The following RNLS variants were observed in gnomAD, a reference collection of about 807,000 sequenced individuals.
The protein encoded by RNLS is renalase.
Under a neutral mutation model 39.8 loss-of-function variants are expected in RNLS, and 39 were observed. The observed-to-expected ratio is 0.98, with a 90% CI of 0.76 to 1.28. The LOEUF (loss-of-function observed/expected upper bound fraction) is 1.28. RNLS is among the 50% of genes most tolerant of loss of function. The pLI is 0.00. For missense variants in RNLS, 410 were observed against 413.3 expected, an observed-to-expected ratio of 0.99 and a Z score of 0.07; for synonymous variants, 147 against 150.7, an observed-to-expected ratio of 0.98 and a Z score of 0.18.
intron 4 of RNLS, among the ~76,000 whole-genome samples, chr10:88,492,521 C>T (rs1436420013): frequency 2.0e-5 from 3 of 150,264 alleles, no homozygotes; most frequent in East Asian, 2.0e-4. Flanking sequence ...CAGGCTCAAG[C>T]GATTCTCCTG....
intron 6 of RNLS, among the ~76,000 whole-genome samples, chr10:88,292,878 C>CT (rs1843768797): frequency 6.6e-6 from 1 of 151,080 alleles, no homozygotes; most frequent in African/African-American, 2.4e-5. Context: ...CCTGTCTCTA[C>CT]TTAGAAAAAA....
intron 5 of RNLS, among the ~76,000 whole-genome samples, chr10:88,346,618 T>C (rs1848324071): frequency 6.6e-6 from 1 of 152,170 alleles, no homozygotes; most frequent in Non-Finnish European, 1.5e-5. Context: ...GCTTGCTAAG[T>C]GGGTGACCAG....
the RNLS span, among the ~76,000 whole-genome samples, chr10:88,215,714 T>TTC: frequency 3.2e-4 from 47 of 147,288 alleles, no homozygotes; most frequent in African/African-American, 1.0e-3. Flanking sequence ...TTTTTTTTTT[T>TTC]CCGAGATGGA....
chr10:88,427,836 T>C (rs1564791591), intron 4 of RNLS, among the ~76,000 whole-genome samples: 2 of 152,012 alleles, frequency 1.3e-5, no homozygotes, highest in African/African-American at 4.8e-5. Context: ...CCATGGCTTA[T>C]GATCTCACTT....
intron 4 of RNLS, among the ~76,000 whole-genome samples, chr10:88,505,437 ATG>A (rs1845735477): frequency 6.6e-6 from 1 of 150,390 alleles, no homozygotes; most frequent in African/African-American, 2.4e-5. Flanking sequence ...AACTGTGTGC[ATG>A]TGTGTTGGAG....
At chr10:88,477,378 A>T (rs115631599) in intron 4 of RNLS, among the ~76,000 whole-genome samples, 13 of 152,272 alleles carry the variant, frequency 8.5e-5, no homozygotes, top group African/African-American at 2.9e-4. Flanking sequence ...GTCAGTTATG[A>T]TGGTGATGAC....
chr10:88,362,375 T>A (rs1158513597), intron 5 of RNLS, among the ~76,000 whole-genome samples, 177 bp downstream of exon 5: 1 of 152,176 alleles, frequency 6.6e-6, no homozygotes, highest in Non-Finnish European at 1.5e-5. Context: ...CTGAAAAACT[T>A]TGCTGGTTTC....
chr10:88,363,792 T>C (rs923182431), intron 4 of RNLS, among the ~76,000 whole-genome samples: 5 of 152,188 alleles, frequency 3.3e-5, no homozygotes, highest in Non-Finnish European at 7.3e-5. Flanking sequence ...TTACCAGATA[T>C]GTGACACTGG....
intron 4 of RNLS, among the ~76,000 whole-genome samples, chr10:88,427,058 C>T (rs143139175): frequency 5.9e-4 from 90 of 152,020 alleles, no homozygotes; most frequent in African/African-American, 2.1e-3. Flanking sequence ...TCTGGTACTC[C>T]CCACAGGTAC....
intron 4 of RNLS, among the ~76,000 whole-genome samples, chr10:88,387,620 T>C (rs1409749475): frequency 6.6e-6 from 1 of 152,040 alleles, no homozygotes; most frequent in Non-Finnish European, 1.5e-5. Context: ...TGCTTTTACA[T>C]GTAATCATTG....
intron 5 of RNLS, among the ~76,000 whole-genome samples, chr10:88,328,448 A>G (rs1846809585): frequency 6.6e-6 from 1 of 152,152 alleles, no homozygotes; most frequent in African/African-American, 2.4e-5. Flanking sequence ...TTACAACTAG[A>G]TGTGCTTTTT....
At chr10:88,357,031 G>A (rs1457123260) in intron 5 of RNLS, among the ~76,000 whole-genome samples, 1 of 152,196 alleles carries the variant, frequency 6.6e-6, no homozygotes, top group East Asian at 1.9e-4. Context: ...AACAGAGGCT[G>A]CATTCACCTA....
chr10:88,380,957 T>TATG (rs1387616261), intron 4 of RNLS, among the ~76,000 whole-genome samples: 1 of 152,202 alleles, frequency 6.6e-6, no homozygotes, highest in African/African-American at 2.4e-5. Context: ...TAAATAAATA[T>TATG]ATGTCTATTT....
At chr10:88,391,544 G>A (rs1852202925) in intron 4 of RNLS, among the ~76,000 whole-genome samples, 2 of 152,132 alleles carry the variant, frequency 1.3e-5, no homozygotes, top group Non-Finnish European at 2.9e-5. Context: ...GCGACAGAGC[G>A]AGACTCCGTC....
At position 88,333,151 on chromosome 10, in the gene RNLS, C is replaced by T. The variant is rs531341208; in HGVS notation, c.701-18510G>A. ...CAAAACAACAACAAAATTCTTTGGA[C>T]GAATATATTTTTGAAATGCCTGGCT... On this transcript the variant is annotated intron_variant, in intron 5 of 6. Transcript: ENST00000331772. 5.3e-5 allele frequency among the ~76,000 whole-genome samples: 8 copies of T among 152,050 alleles called. No homozygotes were observed. In the South Asian group the frequency reaches 1.2e-3, roughly 24 times the overall value.
chr10:88,317,349 A>C (rs1845837639), intron 5 of RNLS, among the ~76,000 whole-genome samples: 1 of 152,180 alleles, frequency 6.6e-6, no homozygotes, highest in South Asian at 2.1e-4. Flanking sequence ...ACTCACATAA[A>C]AGCCTTCCTT....
chr10:88,331,145 C>A (rs1243496823), intron 5 of RNLS, among the ~76,000 whole-genome samples: 3 of 152,220 alleles, frequency 2.0e-5, no homozygotes, highest in Non-Finnish European at 4.4e-5. Flanking sequence ...CTTAGGTATA[C>A]AGCATCTCTG....
intron 4 of RNLS, among the ~76,000 whole-genome samples, chr10:88,511,784 AT>A (rs1201107004): frequency 6.6e-6 from 1 of 152,206 alleles, no homozygotes; most frequent in Non-Finnish European, 1.5e-5. Flanking sequence ...ATGGCTGAGG[AT>A]TAATAGTTGG....
intron 5 of RNLS, among the ~76,000 whole-genome samples, chr10:88,346,658 C>T (rs1410622495): frequency 6.6e-6 from 1 of 152,128 alleles, no homozygotes; most frequent in Non-Finnish European, 1.5e-5. Context: ...AATGTTATTT[C>T]AGGAGCAGGG....
Sources: allele counts gnomAD v4.1 joint callset (sites outside exome capture counted in the v4.1 genomes callset), GRCh38; gene constraint gnomAD v4.1.1; transcripts MANE v1.5; gene names NCBI Gene and HGNC (gene_info 2026-07-23, HGNC 2026-07-21).